The following TTC28 variants were observed in gnomAD, a reference collection of about 807,000 sequenced individuals.
The protein encoded by TTC28 is tetratricopeptide repeat domain 28.
TTC28 carries 61 observed loss-of-function variants against 198.0 expected under a neutral mutation model. The observed-to-expected ratio is 0.31, with a 90% confidence interval of 0.25 to 0.38. The LOEUF (loss-of-function observed/expected upper bound fraction) is 0.38. TTC28 is among the 10% of genes least tolerant of loss of function. The pLI is 1.00. For synonymous variants in TTC28, 1,171 were observed against 1,297.8 expected (o/e 0.90, Z 2.10); for missense variants, 2,678 against 3,164.0 (o/e 0.85, Z 3.69).
chr22:28,535,611 C>CA (rs1312277611), intron 2 of TTC28, among the ~76,000 whole-genome samples: 1 of 152,022 alleles, frequency 6.6e-6, no homozygotes, highest in Non-Finnish European at 1.5e-5. Flanking sequence ...GTGTCCCTAC[C>CA]AAAATCTCAT....
intron 2 of TTC28, among the ~76,000 whole-genome samples, chr22:28,360,486 G>A (rs1192513133): frequency 6.6e-6 from 1 of 152,138 alleles, no homozygotes; most frequent in Non-Finnish European, 1.5e-5. Context: ...AATGGCAGTT[G>A]CTTTTTTTAA....
intron 5 of TTC28, among the ~76,000 whole-genome samples, chr22:28,202,983 C>T (rs1926101813): frequency 6.6e-6 from 1 of 151,980 alleles, no homozygotes; most frequent in South Asian, 2.1e-4. Flanking sequence ...ATGTTTACCA[C>T]TTTTATGAAC....
chr22:28,153,796 A>T (rs1943674382), intron 6 of TTC28, among the ~76,000 whole-genome samples: 2 of 152,160 alleles, frequency 1.3e-5, no homozygotes, highest in African/African-American at 4.8e-5. Context: ...TGTTTTTCTG[A>T]CTAAAAAGAG....
chr22:28,292,654 A>C (rs1324805270), intron 5 of TTC28, among the ~76,000 whole-genome samples: 1 of 152,228 alleles, frequency 6.6e-6, no homozygotes, highest in Non-Finnish European at 1.5e-5. Flanking sequence ...TGCTAACCAG[A>C]GTTTAGGATC....
intron 2 of TTC28, among the ~76,000 whole-genome samples, chr22:28,558,442 G>A (rs2049818477): frequency 1.3e-5 from 2 of 152,162 alleles, no homozygotes; most frequent in South Asian, 4.1e-4. Flanking sequence ...GGGAGGCAGA[G>A]GCAGGTGGAT....
At chr22:28,028,638 G>C (rs1938940627) in intron 13 of TTC28, among the ~76,000 whole-genome samples, 3 of 152,204 alleles carry the variant, frequency 2.0e-5, no homozygotes, top group Admixed American at 2.0e-4. Flanking sequence ...GGATGAGGGA[G>C]GCTACAACCC....
At chr22:28,008,776 G>A in intron 14 of TTC28, among the ~76,000 whole-genome samples, 1 of 152,196 alleles carries the variant, frequency 6.6e-6, no homozygotes, top group East Asian at 1.9e-4. Flanking sequence ...GATCTGAGTG[G>A]ACGAGTGGCT....
chr22:28,490,841 C>CT (rs983686187), intron 2 of TTC28, among the ~76,000 whole-genome samples: 8 of 152,130 alleles, frequency 5.3e-5, no homozygotes, highest in African/African-American at 1.7e-4. Flanking sequence ...GAAAAAATGG[C>CT]TGATATTCCA....
chr22:28,031,636 T>C (rs1451020217), intron 12 of TTC28, among the ~76,000 whole-genome samples: 1 of 152,130 alleles, frequency 6.6e-6, no homozygotes, highest in Non-Finnish European at 1.5e-5. Flanking sequence ...AAGCCCCTCA[T>C]TCTGGGGGCC....
chr22:28,164,478 C>T (rs1044492770), intron 5 of TTC28, among the ~76,000 whole-genome samples: 1 of 152,160 alleles, frequency 6.6e-6, no homozygotes, highest in Non-Finnish European at 1.5e-5. Flanking sequence ...GCAGCATTTG[C>T]AGTTCACCAA....
intron 5 of TTC28, among the ~76,000 whole-genome samples, chr22:28,194,023 C>A (rs111788317): frequency 2.0e-5 from 3 of 152,124 alleles, no homozygotes; most frequent in Admixed American, 1.3e-4. Context: ...CCAAAATTGA[C>A]CACATAGTTG....
intron 17 of TTC28, among the ~76,000 whole-genome samples, chr22:27,995,148 C>G (rs1308661430): frequency 6.6e-6 from 1 of 152,208 alleles, no homozygotes; most frequent in Non-Finnish European, 1.5e-5. Context: ...TCAGGCCCAA[C>G]CCACGGGCAA....
chr22:28,380,043 C>T (rs1275050828), intron 2 of TTC28, among the ~76,000 whole-genome samples: 1 of 123,808 alleles, frequency 8.1e-6, no homozygotes, highest in African/African-American at 2.5e-5. Context: ...TTACACTATG[C>T]TTCTTCAAAA....
chr22:28,556,060 A>C (rs1463115919), intron 2 of TTC28, among the ~76,000 whole-genome samples: 1 of 152,164 alleles, frequency 6.6e-6, no homozygotes. Flanking sequence ...TTAAAAAAAA[A>C]AAATGCCCTA....
At chr22:27,989,192 G>A (rs1937312406) in intron 21 of TTC28, among the ~76,000 whole-genome samples, 1 of 152,040 alleles carries the variant, frequency 6.6e-6, no homozygotes, top group Non-Finnish European at 1.5e-5. Context: ...TGGTAAAAAA[G>A]GGAAATCGAG....
At position 28,588,035 on chromosome 22, in the gene TTC28, G is replaced by A. The variant is rs188477881; in HGVS notation, c.381+41517C>T. 2.6e-5 allele frequency among the ~76,000 whole-genome samples: 4 copies of A among 151,660 alleles called. No individual in the cohort carries two copies. The East Asian group carries it at 7.8e-4, about 30-fold the overall frequency. On this transcript the variant is annotated intron_variant, in intron 2 of 22. Coordinates refer to ENST00000397906, the MANE Select transcript of TTC28 (RefSeq NM_001145418.2). Reference sequence around the variant, plus strand: ...CAGGCGCCTGTAGTCCCAGCTACTCGGGAGGCTGAGGCAGGAGAATGGCGT... The same window carrying A: ...CAGGCGCCTGTAGTCCCAGCTACTCAGGAGGCTGAGGCAGGAGAATGGCGT...
intron 12 of TTC28, among the ~76,000 whole-genome samples, chr22:28,083,080 T>C (rs1253302936): frequency 1.3e-5 from 2 of 152,124 alleles, no homozygotes; most frequent in Non-Finnish European, 2.9e-5. Flanking sequence ...CATTTTTTTT[T>C]TTTTTTGTCT....
At chr22:28,447,050 A>C (rs2047712487) in intron 2 of TTC28, among the ~76,000 whole-genome samples, 1 of 152,212 alleles carries the variant, frequency 6.6e-6, no homozygotes, top group South Asian at 2.1e-4. Context: ...CCACAGAGCC[A>C]GTCAATGGCA....
At chr22:28,265,299 T>C (rs1278063012) in intron 5 of TTC28, among the ~76,000 whole-genome samples, 1 of 152,190 alleles carries the variant, frequency 6.6e-6, no homozygotes, top group Non-Finnish European at 1.5e-5. Flanking sequence ...TTTCTGCCTA[T>C]GTGAGGAACT....
Sources: allele counts gnomAD v4.1 joint callset (sites outside exome capture counted in the v4.1 genomes callset), GRCh38; gene constraint gnomAD v4.1.1; transcripts MANE v1.5; gene names NCBI Gene and HGNC (gene_info 2026-07-23, HGNC 2026-07-21).